EYS: variants seen among roughly 807,000 people sequenced by gnomAD.
EYS encodes the protein EGF-like photoreceptor maintenance factor, also known as protein eyes shut homolog.
EYS carries 250 observed loss-of-function variants against 282.1 expected under a neutral mutation model. The ratio of observed to expected loss-of-function variants is 0.89; its 90% CI spans 0.80 to 0.98. EYS has a LOEUF of 0.98. Among genes scored for constraint, EYS ranks in the 50% least tolerant of loss-of-function variants. The pLI is 0.00. For missense variants in EYS, 4,016 were observed against 3,709.0 expected, an observed-to-expected ratio of 1.08 and a Z score of -2.15; for synonymous variants, 1,355 against 1,282.9, an observed-to-expected ratio of 1.06 and a Z score of -1.20.
In EYS at chr6:64,821,736, A is replaced by G. The variant is rs1389539447; in HGVS notation, c.3165-13T>C. The stretch of plus-strand genomic sequence containing the variant: ...AAGTTCTGTGCACCTGAAACACAGA[A>G]TTAGAATTACATTTTCAAATAAGTA... On this transcript the variant is annotated splice_polypyrimidine_tract_variant and intron_variant, in intron 20 of 42. Coordinates refer to ENST00000503581, the MANE Select transcript of EYS (RefSeq NM_001142800.2). 1.4e-6 allele frequency: 2 copies of G among 1,424,952 alleles called. No individual in the cohort carries two copies. Among genetic ancestry groups the G allele is most frequent in the Middle Eastern group, 2.0e-4 (1 of 4,944 alleles). 88.3% of individuals were successfully genotyped at this position (1,424,952 alleles called of 1,614,324 possible).
At chr6:65,603,467 T>A (rs549175390) in intron 2 of EYS, among the ~76,000 whole-genome samples, 1 of 151,962 alleles carries the variant, frequency 6.6e-6, no homozygotes, top group Admixed American at 6.6e-5. Context: ...ATTGCTTACA[T>A]TTTTTCTGAA....
intron 35 of EYS, among the ~76,000 whole-genome samples, chr6:63,910,582 A>T (rs777229268): frequency 4.6e-5 from 7 of 152,002 alleles, no homozygotes; most frequent in Non-Finnish European, 5.9e-5. Context: ...TCTGTGTTGT[A>T]TTGTGGTTTT....
chr6:64,391,897 C>A (rs1342412870), intron 28 of EYS, among the ~76,000 whole-genome samples: 2 of 152,086 alleles, frequency 1.3e-5, no homozygotes, highest in East Asian at 3.9e-4. Context: ...TGTGCAGAGA[C>A]ACACATAGGC....
At chr6:64,884,851 T>C (rs1767038548) in intron 19 of EYS, among the ~76,000 whole-genome samples, 1 of 151,706 alleles carries the variant, frequency 6.6e-6, no homozygotes, top group African/African-American at 2.4e-5. Context: ...ACTTTTAATT[T>C]CTTATCTTCC....
intron 29 of EYS, among the ~76,000 whole-genome samples, chr6:64,316,892 A>C (rs1047238044): frequency 1.3e-5 from 2 of 152,030 alleles, no homozygotes; most frequent in African/African-American, 4.8e-5. Flanking sequence ...CAGAACAGAG[A>C]CCTCAGAAAT....
At chr6:64,198,807 A>G (rs538240736) in intron 31 of EYS, among the ~76,000 whole-genome samples, 1 of 152,256 alleles carries the variant, frequency 6.6e-6, no homozygotes, top group South Asian at 2.1e-4. Flanking sequence ...GTGTCTTTAT[A>G]GTAGAATGAT....
intron 31 of EYS, among the ~76,000 whole-genome samples, chr6:64,091,833 G>A (rs1318653483): frequency 1.3e-5 from 2 of 152,084 alleles, no homozygotes; most frequent in Non-Finnish European, 2.9e-5. Context: ...CATGTGCCAT[G>A]TTGGTGTGCT....
At chr6:65,047,051 G>C (rs1773123930) in intron 13 of EYS, among the ~76,000 whole-genome samples, 1 of 150,812 alleles carries the variant, frequency 6.6e-6, no homozygotes, top group South Asian at 2.1e-4. Flanking sequence ...GGCCTCTGCA[G>C]CCATCCCTCC....
intron 13 of EYS, among the ~76,000 whole-genome samples, chr6:65,017,327 A>G (rs1385378013): frequency 1.3e-5 from 2 of 152,242 alleles, no homozygotes; most frequent in African/African-American, 4.8e-5. Flanking sequence ...ATGCAAACAT[A>G]TGAAGTCAGT....
chr6:65,331,320 T>G, intron 11 of EYS: 1 of 693,474 alleles, frequency 1.4e-6, no homozygotes, highest in Non-Finnish European at 1.8e-6. Flanking sequence ...ATTTTCTCTT[T>G]TTCATTGAGC....
intron 31 of EYS, among the ~76,000 whole-genome samples, chr6:64,173,841 A>T (rs2150308340): frequency 6.6e-6 from 1 of 150,642 alleles, no homozygotes; most frequent in Non-Finnish European, 1.5e-5. Context: ...AATAGAATTT[A>T]AAAAACAAAT....
intron 36 of EYS, among the ~76,000 whole-genome samples, chr6:63,811,631 G>C (rs902774646): frequency 6.6e-6 from 1 of 151,956 alleles, no homozygotes; most frequent in African/African-American, 2.4e-5. Flanking sequence ...CAGAGCTCCA[G>C]ATTCACATAT....
chr6:64,937,340 C>G (rs564398779), intron 15 of EYS, among the ~76,000 whole-genome samples: 4 of 151,386 alleles, frequency 2.6e-5, no homozygotes, highest in Non-Finnish European at 5.9e-5. Context: ...TGAAAGGACA[C>G]CATGAAGAAA....
At chr6:65,152,382 T>C (rs1561993093) in intron 12 of EYS, among the ~76,000 whole-genome samples, 1 of 151,932 alleles carries the variant, frequency 6.6e-6, no homozygotes, top group Non-Finnish European at 1.5e-5. Context: ...TATTTGGAAA[T>C]AGGACTTTAA....
At chr6:65,095,250 G>A (rs1774706024) in intron 12 of EYS, among the ~76,000 whole-genome samples, 2 of 151,182 alleles carry the variant, frequency 1.3e-5, no homozygotes, top group South Asian at 2.1e-4. Flanking sequence ...TGGTACCAGA[G>A]GCCGTAGTAT....
chr6:65,670,128 A>G (rs899441661), intron 1 of EYS, among the ~76,000 whole-genome samples: 9 of 152,032 alleles, frequency 5.9e-5, no homozygotes, highest in Non-Finnish European at 1.3e-4. Context: ...CTTTCAATGG[A>G]GGACTTGGCT....
intron 36 of EYS, among the ~76,000 whole-genome samples, chr6:63,846,235 G>A (rs1330069562): frequency 6.6e-6 from 1 of 152,102 alleles, no homozygotes; most frequent in East Asian, 1.9e-4. Flanking sequence ...GTGTATTTAG[G>A]GGACTCACTC....
At chr6:64,054,151 G>T (rs1435564817) in intron 33 of EYS, among the ~76,000 whole-genome samples, 1 of 152,116 alleles carries the variant, frequency 6.6e-6, no homozygotes, top group Admixed American at 6.6e-5. Context: ...AAAAGGAAGA[G>T]ATCCTGTACC....
chr6:64,989,704 T>A (rs1224930103), intron 14 of EYS, among the ~76,000 whole-genome samples: 1 of 145,482 alleles, frequency 6.9e-6, no homozygotes, highest in Non-Finnish European at 1.5e-5. Context: ...ATATTTCTTA[T>A]GTATAAATTA....
Sources: allele counts gnomAD v4.1 joint callset (sites outside exome capture counted in the v4.1 genomes callset), GRCh38; gene constraint gnomAD v4.1.1; transcripts MANE v1.5; gene names NCBI Gene and HGNC (gene_info 2026-07-23, HGNC 2026-07-21).